SNCAIP: variants seen among roughly 807,000 people sequenced by gnomAD.
SNCAIP encodes synuclein alpha interacting protein, also known as synphilin-1.
SNCAIP carries 43 observed loss-of-function variants against 86.7 expected under a neutral mutation model. The observed-to-expected ratio is 0.50, with a 90% confidence interval of 0.39 to 0.64. The LOEUF is 0.64. SNCAIP is among the 30% of genes least tolerant of loss of function. SNCAIP has a pLI of 0.00. For missense variants in SNCAIP, 981 were observed against 1,103.1 expected, an observed-to-expected ratio of 0.89 and a Z score of 1.57; for synonymous variants, 417 against 427.2, an observed-to-expected ratio of 0.98 and a Z score of 0.29.
At chr5:122,407,129 CA>C (rs1561687647) in intron 3 of SNCAIP, among the ~76,000 whole-genome samples, 2 of 152,110 alleles carry the variant, frequency 1.3e-5, no homozygotes, top group Non-Finnish European at 2.9e-5. Context: ...CAGTGACAGC[CA>C]AAAGGCAAGC....
At chr5:122,392,224 T>A (rs188880688) in intron 2 of SNCAIP, among the ~76,000 whole-genome samples, 6 of 152,344 alleles carry the variant, frequency 3.9e-5, no homozygotes, top group Admixed American at 3.9e-4. Flanking sequence ...ATAAATCACC[T>A]ATTTTATACA....
chr5:122,413,215 G>A lies in SNCAIP; in HGVS notation c.130+9350G>A, dbSNP rs183687283. ...TATGGCCAATAAAATCCCCAAATGG[G>A]TTGGTCCCTGATGACATCCCCCAGC... On this transcript the variant is annotated intron_variant, in intron 3 of 10. Transcript: ENST00000261368. Among the ~76,000 whole-genome samples the A allele has an allele frequency of 5.0e-3, 764 of 152,246 alleles. 5 individuals are homozygous for A. The highest frequency in any genetic ancestry group is 7.3e-3 in the Non-Finnish European group (494 of 68,026).
At chr5:122,353,614 A>G (rs1424060160) in intron 1 of SNCAIP, among the ~76,000 whole-genome samples, 2 of 152,086 alleles carry the variant, frequency 1.3e-5, no homozygotes, top group Non-Finnish European at 2.9e-5. Flanking sequence ...TATTCTCATG[A>G]TAGTGAATAA....
chr5:122,377,696 C>A (rs1011973932), intron 1 of SNCAIP, among the ~76,000 whole-genome samples: 3 of 127,984 alleles, frequency 2.3e-5, no homozygotes, highest in South Asian at 3.0e-4. Context: ...CCCCTCCCCC[C>A]ACCCCACAAC....
chr5:122,441,345 C>G (rs1442558180), intron 7 of SNCAIP: 1 of 154,818 alleles, frequency 6.5e-6, no homozygotes, highest in African/African-American at 2.4e-5. Flanking sequence ...CCACCCAGGG[C>G]CTTGATTGCC....
At chr5:122,364,289 T>A (rs1762740038) in intron 1 of SNCAIP, among the ~76,000 whole-genome samples, 1 of 152,244 alleles carries the variant, frequency 6.6e-6, no homozygotes, top group Non-Finnish European at 1.5e-5. Flanking sequence ...CCCTTAGGGC[T>A]GCGCTGTCTG....
rs547306341 is a variant in SNCAIP at position 122,463,599 on chromosome 5, C to T, written c.*103C>T. 360 of 1,297,890 alleles carry T rather than the reference C, an allele frequency of 2.8e-4. No homozygotes were observed. Among genetic ancestry groups the T allele is most frequent in the Non-Finnish European group, 3.5e-4 (321 of 905,260 alleles). 80.4% of individuals were successfully genotyped at this position (1,297,890 alleles called of 1,614,324 possible). A position where few individuals can be genotyped will look rare whatever the true frequency, so the allele number is the denominator to read the frequency against. On this transcript the variant is annotated 3_prime_UTR_variant, in exon 11 of 11. Coordinates refer to ENST00000261368, the MANE Select transcript of SNCAIP (RefSeq NM_005460.4). ...AAATCACTTTTTAAATTTTCTCTCA[C>T]TGATGCCCTTTGGAAATTATTGGAA...
chr5:122,351,776 G>A (rs1759903862), intron 1 of SNCAIP, among the ~76,000 whole-genome samples: 1 of 152,102 alleles, frequency 6.6e-6, no homozygotes, highest in Non-Finnish European at 1.5e-5. Context: ...AAGGCTGGCT[G>A]CTTAGCAAAT....
chr5:122,406,611 G>A (rs566987213), intron 3 of SNCAIP, among the ~76,000 whole-genome samples: 6 of 152,112 alleles, frequency 3.9e-5, no homozygotes, highest in Non-Finnish European at 8.8e-5. Context: ...GATGGTGAGT[G>A]AGTTCTCATG....
chr5:122,434,086 A>G (rs1778928412), intron 6 of SNCAIP, among the ~76,000 whole-genome samples: 1 of 152,218 alleles, frequency 6.6e-6, no homozygotes, highest in South Asian at 2.1e-4. Context: ...AAAGAAGAGA[A>G]TAGGATTTTC....
At chr5:122,432,990 A>G (rs769471860) in intron 6 of SNCAIP, among the ~76,000 whole-genome samples, 40 of 152,054 alleles carry the variant, frequency 2.6e-4, no homozygotes, top group Non-Finnish European at 4.9e-4. Flanking sequence ...TCAACAAGAG[A>G]TTATGCTTTT....
chr5:122,440,031 G>T (rs10519701), intron 6 of SNCAIP, among the ~76,000 whole-genome samples: 6,116 of 152,190 alleles, frequency 0.04, 226 homozygotes, highest in East Asian at 0.091. Context: ...ACCAACACTT[G>T]GTCAGAAAAT....
At chr5:122,355,422 A>G (rs1401411825) in intron 1 of SNCAIP, among the ~76,000 whole-genome samples, 1 of 152,074 alleles carries the variant, frequency 6.6e-6, no homozygotes, top group Non-Finnish European at 1.5e-5. Context: ...TACATAATGA[A>G]CCCCCATCTT....
chr5:122,338,971 A>G (rs573463022), intron 1 of SNCAIP, among the ~76,000 whole-genome samples: 1 of 152,312 alleles, frequency 6.6e-6, no homozygotes, highest in South Asian at 2.1e-4. Context: ...GTAGGGCAAG[A>G]TTCACATGCA....
chr5:122,448,769 C>T (rs1167930206), intron 8 of SNCAIP, among the ~76,000 whole-genome samples: 2 of 143,896 alleles, frequency 1.4e-5, no homozygotes, highest in African/African-American at 5.2e-5. Flanking sequence ...GTGGGAAAGA[C>T]AGAGTTAGTT....
At chr5:122,370,756 C>A (rs1434470) in intron 1 of SNCAIP, among the ~76,000 whole-genome samples, 1 of 152,010 alleles carries the variant, frequency 6.6e-6, no homozygotes, top group African/African-American at 2.4e-5. Context: ...TGTAAAGGAA[C>A]ATATGACATG....
chr5:122,386,551 G>A (rs773367550), intron 1 of SNCAIP, among the ~76,000 whole-genome samples: 1 of 152,186 alleles, frequency 6.6e-6, no homozygotes, highest in Non-Finnish European at 1.5e-5. Flanking sequence ...TGTTTGTTTT[G>A]TTCTGAAAGC....
chr5:122,415,151 T>G (rs1581106525), intron 3 of SNCAIP, among the ~76,000 whole-genome samples: 1 of 152,202 alleles, frequency 6.6e-6, no homozygotes, highest in Non-Finnish European at 1.5e-5. Flanking sequence ...CATTCATTAA[T>G]CCCAGGGCGA....
chr5:122,366,117 C>T (rs536701521), intron 1 of SNCAIP, among the ~76,000 whole-genome samples: 6 of 152,190 alleles, frequency 3.9e-5, no homozygotes, highest in East Asian at 1.9e-4. Context: ...ATAGAGAATT[C>T]GTTACTCCAA....
Sources: allele counts gnomAD v4.1 joint callset (sites outside exome capture counted in the v4.1 genomes callset), GRCh38; gene constraint gnomAD v4.1.1; transcripts MANE v1.5; gene names NCBI Gene and HGNC (gene_info 2026-07-23, HGNC 2026-07-21).